FGFR2: variants seen among roughly 807,000 people sequenced by gnomAD.
The protein encoded by FGFR2 is BEK fibroblast growth factor receptor.
In FGFR2, 19 loss-of-function variants were observed where a neutral mutation model predicts 95.9. The ratio of observed to expected loss-of-function variants is 0.20; its 90% CI spans 0.14 to 0.29. FGFR2 has a LOEUF of 0.29. Among genes scored for constraint, FGFR2 ranks in the 10% least tolerant of loss-of-function variants. The pLI, the probability that FGFR2 is intolerant of heterozygous loss-of-function variation, is 1.00. For synonymous variants in FGFR2, 392 were observed against 393.3 expected (o/e 1.00, Z 0.04); for missense variants, 707 against 1,056.9 (o/e 0.67, Z 4.59).
intron 13 of FGFR2, among the ~76,000 whole-genome samples, chr10:121,492,434 A>C (rs1319001772): frequency 6.6e-6 from 1 of 152,106 alleles, no homozygotes; most frequent in Non-Finnish European, 1.5e-5. Flanking sequence ...GTACACACAC[A>C]ACTGAAAGCT....
At chr10:121,515,682 A>G (rs1849625219) in intron 8 of FGFR2, among the ~76,000 whole-genome samples, 1 of 151,958 alleles carries the variant, frequency 6.6e-6, no homozygotes, top group African/African-American at 2.4e-5. Flanking sequence ...CAAACCAAAT[A>G]AAAAATTCTG....
At position 121,479,253 on chromosome 10, in the gene FGFR2, C is replaced by G. The variant is rs537398850; in HGVS notation, c.*604G>C. 1 of 236,684 alleles carries G rather than the reference C, an allele frequency of 4.2e-6. No individual in the cohort carries two copies. Among genetic ancestry groups the G allele is most frequent in the African/African-American group, 2.2e-5 (1 of 45,446 alleles). 14.7% of individuals were successfully genotyped at this position (236,684 alleles called of 1,614,324 possible). On this transcript the variant is annotated 3_prime_UTR_variant, in exon 18 of 18. Coordinates refer to ENST00000358487, the MANE Select transcript of FGFR2 (RefSeq NM_000141.5). ...TATTACCAATTTATTAATAAATTAA[C>G]GTTATACCATTTTCCCTGAAAGCAA...
chr10:121,490,455 C>T (rs888373446), intron 13 of FGFR2, among the ~76,000 whole-genome samples: 13 of 152,220 alleles, frequency 8.5e-5, no homozygotes, highest in Admixed American at 1.3e-4. Flanking sequence ...TGAGCCACCA[C>T]GCCCGGCCTA....
At position 121,588,240 on chromosome 10, in the gene FGFR2, G is replaced by A. The variant is rs11200026; in HGVS notation, c.109+5469C>T. Among the ~76,000 whole-genome samples, 729 of 151,534 alleles carry A rather than the reference G, an allele frequency of 4.8e-3. 8 individuals carry two copies. Among genetic ancestry groups the A allele is most frequent in the Non-Finnish European group, 7.6e-3 (514 of 67,792 alleles). ...GAACAACAGACACTGAGGTCTACTT[G>A]AGGGTGGAGGGTGGGTGGGAGGAGA... On this transcript the variant is annotated intron_variant, in intron 2 of 17. Coordinates refer to ENST00000358487, the MANE Select transcript of FGFR2 (RefSeq NM_000141.5).
In FGFR2 at chr10:121,515,318, C is replaced by T. The variant is rs151250769; in HGVS notation, c.1086G>A (p.Ala362=). ...FHSAWLTVLP[A]PGREKEITAS... ...CTGTAATCTCCTTTTCTCTTCCAGGCGCTAGATTGCAGATCACAGGAGGAG... is the reference window on the plus strand; with the variant it reads ...CTGTAATCTCCTTTTCTCTTCCAGGTGCTAGATTGCAGATCACAGGAGGAG... Residue 362 remains alanine, a splice_region_variant and synonymous_variant, in exon 9 of 18, where the codon GCG becomes GCA. Coordinates refer to ENST00000358487, the MANE Select transcript of FGFR2 (RefSeq NM_000141.5). 50 of 1,614,038 alleles carry T rather than the reference C, an allele frequency of 3.1e-5. No individual in the cohort carries two copies. In the Middle Eastern group the frequency reaches 1.5e-3, roughly 48 times the overall value.
At chr10:121,501,578 G>A (rs947409097) in intron 10 of FGFR2, among the ~76,000 whole-genome samples, 1 of 152,082 alleles carries the variant, frequency 6.6e-6, no homozygotes, top group South Asian at 2.1e-4. Context: ...AAGATTACAA[G>A]GTCTATGCAC....
intron 3 of FGFR2, among the ~76,000 whole-genome samples, chr10:121,564,979 C>T (rs1200440893): frequency 6.6e-6 from 1 of 152,020 alleles, no homozygotes; most frequent in East Asian, 1.9e-4. Context: ...AAACTCAGTC[C>T]CTGTGTGGCC....
chr10:121,529,486 A>G (rs73373503), intron 6 of FGFR2, among the ~76,000 whole-genome samples: 2,306 of 152,350 alleles, frequency 0.015, 63 homozygotes, highest in African/African-American at 0.052. Context: ...AGTAAAATGA[A>G]AAGTTCCTTT....
chr10:121,524,210 G>A (rs746103429), intron 6 of FGFR2, among the ~76,000 whole-genome samples: 8 of 150,300 alleles, frequency 5.3e-5, no homozygotes, highest in Non-Finnish European at 8.9e-5. Flanking sequence ...AATGTTACAC[G>A]CTTGCAGTCT....
chr10:121,520,641 T>C (rs1328364068), intron 6 of FGFR2, among the ~76,000 whole-genome samples: 5 of 152,232 alleles, frequency 3.3e-5, no homozygotes, highest in South Asian at 2.1e-4. Context: ...TGTCTCCCAA[T>C]ACATTTTTTT....
chr10:121,538,283 C>T (rs1392560843), intron 6 of FGFR2: 1 of 758,150 alleles, frequency 1.3e-6, no homozygotes, highest in Non-Finnish European at 2.5e-6. Context: ...ACCCTTTTCA[C>T]CTGCCCAATT....
chr10:121,556,406 T>A (rs915905022), intron 4 of FGFR2, among the ~76,000 whole-genome samples: 1 of 149,264 alleles, frequency 6.7e-6, no homozygotes, highest in African/African-American at 2.5e-5. Context: ...ACTCTCTCTC[T>A]CTCTCTCTCT....
At position 121,517,967 on chromosome 10, in the gene FGFR2, C is replaced by T. The variant is rs1299946300; in HGVS notation, c.940-504G>A. 7.3e-6 allele frequency: 3 copies of T among 410,894 alleles called. No homozygotes were observed. The Admixed American group carries it at 9.8e-5, about 13-fold the overall frequency. The allele number at this position is 410,894 out of a possible 1,614,324, so 25.5% of individuals were successfully genotyped here. A position where few individuals can be genotyped will look rare whatever the true frequency, so the allele number is the denominator to read the frequency against. Reference sequence around the variant, plus strand: ...TGGGGTGGAAGGTTGTCTTGGTTACCAGGCTCTGGTTATTTTTACTTCTGC... The same window carrying T: ...TGGGGTGGAAGGTTGTCTTGGTTACTAGGCTCTGGTTATTTTTACTTCTGC... On this transcript the variant is annotated intron_variant, in intron 7 of 17. Transcript: ENST00000358487. This position sits in a 1 kb window ranked among gnomAD's most constrained non-coding sequence, Gnocchi z 4.7.
In FGFR2 at chr10:121,593,951, C is replaced by CGCTGCT. The variant is rs1033831956; in HGVS notation, c.-140_-135dup. ...GTGGGCTCAGGAACCGAGGCGCTGC[C>CGCTGCT]GCTGCTGCTGCAGTCACTAAAGGAA... On this transcript the variant is annotated 5_prime_UTR_variant, in exon 2 of 18. Transcript: ENST00000358487. 77 of 792,290 alleles carry CGCTGCT rather than the reference C, an allele frequency of 9.7e-5. No individual in the cohort carries two copies. The highest frequency in any genetic ancestry group is 9.7e-4 in the African/African-American group (57 of 58,860). The allele number at this position is 792,290 out of a possible 1,614,324, so 49.1% of individuals were successfully genotyped here. A position where few individuals can be genotyped will look rare whatever the true frequency, so the allele number is the denominator to read the frequency against.
Position 121,517,562 on chromosome 10 carries a change from G to C in FGFR2, c.940-99C>G. 1 of 1,428,528 alleles carries C rather than the reference G, an allele frequency of 7.0e-7. No individual in the cohort carries two copies. The highest frequency in any genetic ancestry group is 9.8e-7 in the Non-Finnish European group (1 of 1,024,874). The allele number at this position is 1,428,528 out of a possible 1,614,324, so 88.5% of individuals were successfully genotyped here. On this transcript the variant is annotated intron_variant, in intron 7 of 17. Transcript: ENST00000358487. This position sits in a 1 kb window ranked among gnomAD's most constrained non-coding sequence, Gnocchi z 4.7. Reference sequence around the variant, plus strand: ...AGGCGTCGCACCGGGGGCTTCAGGGGGTGCTGGCCACTGGGAGATTCCGAC... The same window carrying C: ...AGGCGTCGCACCGGGGGCTTCAGGGCGTGCTGGCCACTGGGAGATTCCGAC...
At chr10:121,490,792 T>C (rs548719762) in intron 13 of FGFR2, among the ~76,000 whole-genome samples, 19 of 152,178 alleles carry the variant, frequency 1.2e-4, no homozygotes, top group Admixed American at 2.0e-4. Context: ...AATAAGGAAT[T>C]ATTTGATTCC....
intron 10 of FGFR2, among the ~76,000 whole-genome samples, chr10:121,502,852 CATA>C (rs1429289715): frequency 6.6e-6 from 1 of 152,132 alleles, no homozygotes; most frequent in African/African-American, 2.4e-5. Context: ...CACTTCCTTT[CATA>C]AGGAGGATCT....
chr10:121,543,963 G>C (rs1172290249), intron 5 of FGFR2, among the ~76,000 whole-genome samples: 1 of 152,154 alleles, frequency 6.6e-6, no homozygotes, highest in Non-Finnish European at 1.5e-5. Flanking sequence ...AAAATGTCAC[G>C]ATCTTCCCCA....
chr10:121,495,288 C>T (rs534906757), intron 13 of FGFR2, among the ~76,000 whole-genome samples: 1 of 152,054 alleles, frequency 6.6e-6, no homozygotes, highest in East Asian at 1.9e-4. Context: ...CTAAACTCTC[C>T]TGAAAAAATG....
Sources: allele counts gnomAD v4.1 joint callset (sites outside exome capture counted in the v4.1 genomes callset), GRCh38; gene constraint gnomAD v4.1.1; non-coding constraint Gnocchi (gnomAD v3.1); transcripts MANE v1.5; gene names NCBI Gene and HGNC (gene_info 2026-07-23, HGNC 2026-07-21).